The following XPNPEP2 variants were observed in gnomAD, a reference collection of about 807,000 sequenced individuals.
The protein encoded by XPNPEP2 is xaa-Pro aminopeptidase 2.
In XPNPEP2, 64 loss-of-function variants were observed where a neutral mutation model predicts 59.8. That is an observed-to-expected ratio of 1.07 (90% confidence interval 0.87 to 1.32). The LOEUF (loss-of-function observed/expected upper bound fraction) is 1.32. Ranked by LOEUF, XPNPEP2 falls within the 40% of genes most tolerant of loss-of-function variation. XPNPEP2 has a pLI of 0.00. For missense variants in XPNPEP2, 575 were observed against 546.8 expected, an observed-to-expected ratio of 1.05 and a Z score of -0.51; for synonymous variants, 235 against 210.0, an observed-to-expected ratio of 1.12 and a Z score of -1.03.
At chrX:129,759,156 C>T in intron 14 of XPNPEP2, 24 bp from the exon 15 acceptor site, 2 of 1,211,128 alleles carry the variant, frequency 1.7e-6, no homozygotes, top group Non-Finnish European at 2.2e-6. Context: ...AGGCATTTGG[C>T]ATGTTGGTTT....
In XPNPEP2 at chrX:129,764,265, A is replaced by G. The variant is rs191930604; in HGVS notation, c.1740+1495A>G. Among the ~76,000 whole-genome samples the G allele has an allele frequency of 1.2e-4, 13 of 109,001 alleles. No homozygotes were observed. In the East Asian group the frequency reaches 3.5e-3, roughly 29 times the overall value. 94.7% of individuals were successfully genotyped at this position (109,001 alleles called of 115,157 possible). A position where few individuals can be genotyped will look rare whatever the true frequency, so the allele number is the denominator to read the frequency against. On this transcript the variant is annotated intron_variant, in intron 19 of 20. Transcript: ENST00000371106. ...AATCCGTAAGACAAAAATAGACAAAACAGGAAAAAATAGGGCAAAGGACAT... is the reference window on the plus strand; with the variant it reads ...AATCCGTAAGACAAAAATAGACAAAGCAGGAAAAAATAGGGCAAAGGACAT...
intron 7 of XPNPEP2, 156 bp downstream of exon 7, chrX:129,747,909 A>C: frequency 2.6e-6 from 2 of 757,611 alleles, no homozygotes; most frequent in Non-Finnish European, 4.0e-6. Flanking sequence ...TTTAAAATGC[A>C]GATTTCAGGG....
Position 129,768,866 on chromosome X carries a change from A to C in XPNPEP2, c.*381A>C. On this transcript the variant is annotated 3_prime_UTR_variant, in exon 21 of 21. Transcript: ENST00000371106. ...ACCCCAAGAGAGCAATGCCCCTACC[A>C]CCCAAGGGTGCCATGGTCCCGGGAG... 1 of 124,325 alleles carries C rather than the reference A, an allele frequency of 8.0e-6. No individual in the cohort carries two copies. Among genetic ancestry groups the C allele is most frequent in the Admixed American group, 9.0e-5 (1 of 11,163 alleles). 10.2% of individuals were successfully genotyped at this position (124,325 alleles called of 1,213,427 possible). A position where few individuals can be genotyped will look rare whatever the true frequency, so the allele number is the denominator to read the frequency against.
At chrX:129,767,786 G>C (rs1181705453) in intron 20 of XPNPEP2, 94 bp downstream of exon 20, 2 of 957,639 alleles carry the variant, frequency 2.1e-6, no homozygotes, top group Non-Finnish European at 3.0e-6. Context: ...CCCTCCTCCA[G>C]GAGGGTCCAC....
chrX:129,754,523 G>T lies in XPNPEP2; in HGVS notation c.1159G>T (p.Val387Leu), dbSNP rs746492710. 1 of 1,195,989 alleles carries T rather than the reference G, an allele frequency of 8.4e-7. No individual in the cohort carries two copies. The highest frequency in any genetic ancestry group is 1.8e-5 in the South Asian group (1 of 54,257). The change falls in exon 12 of 21, where the codon GTG becomes TTG. Residue 387 changes from valine to leucine, a missense_variant. Physicochemically the swap from Val to Leu is conservative, Grantham distance 32 (BLOSUM62 1). Coordinates refer to ENST00000371106, the MANE Select transcript of XPNPEP2 (RefSeq NM_003399.6). ...GTACTTGGTCTGGCTGGAGAAGAAC[G>T]TGCCCAAAGGCACAGTGGATGAGTT... ...IRYLVWLEKN[V>L]PKGTVDEFSG...
At position 129,767,656 on chromosome X, in the gene XPNPEP2, G is replaced by A. The variant is rs746216987; in HGVS notation, c.1794G>A (p.Arg598=). The part of the protein sequence containing the change: ...FEVVSFVPYD[R]NLIDVSLLSP... The stretch of plus-strand genomic sequence containing the variant: ...TGGTATCATTTGTGCCCTATGACCG[G>A]AACCTCATCGATGTCAGCCTGCTGT... The change falls in exon 20 of 21, where the codon CGG becomes CGA. Residue 598 remains arginine (R), a synonymous_variant. Coordinates refer to ENST00000371106, the MANE Select transcript of XPNPEP2 (RefSeq NM_003399.6). The A allele has an allele frequency of 2.5e-6, 3 of 1,209,554 alleles. No individual in the cohort carries two copies. The African/African-American group carries it at 5.3e-5, about 21-fold the overall frequency.
intron 15 of XPNPEP2, 150 bp downstream of exon 15, chrX:129,759,390 T>C (rs1926614408): frequency 1.6e-6 from 1 of 634,794 alleles, no homozygotes. Context: ...GAAAACCCAG[T>C]GCTCCCTGCT....
At chrX:129,764,563 G>A (rs907912018) in intron 19 of XPNPEP2, among the ~76,000 whole-genome samples, 2 of 109,203 alleles carry the variant, frequency 1.8e-5, no homozygotes, top group African/African-American at 3.3e-5. Context: ...GCTGAGGCAG[G>A]AGAATCACTT....
intron 14 of XPNPEP2, among the ~76,000 whole-genome samples, chrX:129,757,893 GAGAAAGAAAGAAAGAA>G (rs558575574): frequency 0.12 from 6,085 of 51,674 alleles, 354 homozygotes; most frequent in South Asian, 0.15. Flanking sequence ...GAGAGAGAGA[GAGAAAGAAAGAAAGAA>G]AGAAAGAAAG....
In XPNPEP2 at chrX:129,742,235, A is replaced by G. The variant is rs866411688; in HGVS notation, c.123+54A>G. On this transcript the variant is annotated intron_variant, in intron 2 of 20. Coordinates refer to ENST00000371106, the MANE Select transcript of XPNPEP2 (RefSeq NM_003399.6). Reference sequence around the variant, plus strand: ...CCCCCCTGGCCCCACGCACCCCCCCACCCCTGCCCCACGCACCCCTGCACC... The same window carrying G: ...CCCCCCTGGCCCCACGCACCCCCCCGCCCCTGCCCCACGCACCCCTGCACC... 5.8e-5 allele frequency: 24 copies of G among 410,540 alleles called. No homozygotes were observed. In the African/African-American group the frequency reaches 1.4e-3, roughly 24 times the overall value. The allele number at this position is 410,540 out of a possible 1,213,427, so 33.8% of individuals were successfully genotyped here.
At position 129,755,448 on chromosome X, in the gene XPNPEP2, G is replaced by A. The variant is rs1218195460; in HGVS notation, c.1295+77G>A. ...TGTGTAGAGGAACAGGGTGAGGGGAGGGGGATGTTCTGGGACCTGAGTCCA... is the reference window on the plus strand; with the variant it reads ...TGTGTAGAGGAACAGGGTGAGGGGAAGGGGATGTTCTGGGACCTGAGTCCA... On this transcript the variant is annotated intron_variant, in intron 13 of 20. Coordinates refer to ENST00000371106, the MANE Select transcript of XPNPEP2 (RefSeq NM_003399.6). The A allele has an allele frequency of 3.9e-6, 4 of 1,029,090 alleles. No individual in the cohort carries two copies. The African/African-American group carries it at 7.5e-5, about 19-fold the overall frequency. 84.8% of individuals were successfully genotyped at this position (1,029,090 alleles called of 1,213,427 possible).
At position 129,764,385 on chromosome X, in the gene XPNPEP2, G is replaced by T. The variant is rs111593764; in HGVS notation, c.1740+1615G>T. Among the ~76,000 whole-genome samples, 976 of 110,925 alleles carry T rather than the reference G, an allele frequency of 8.8e-3. 10 individuals are homozygous for T. The highest frequency in any genetic ancestry group is 0.014 in the Non-Finnish European group (719 of 52,918). On this transcript the variant is annotated intron_variant, in intron 19 of 20. Coordinates refer to ENST00000371106, the MANE Select transcript of XPNPEP2 (RefSeq NM_003399.6). ...TTAAAGAAATACAAGACCGGGCGTGGTGGCTTATGCCTGTAATCCCAGCAC... is the reference window on the plus strand; with the variant it reads ...TTAAAGAAATACAAGACCGGGCGTGTTGGCTTATGCCTGTAATCCCAGCAC...
intron 14 of XPNPEP2, among the ~76,000 whole-genome samples, chrX:129,757,795 G>GGAAGAAAGAAA (rs1926555418): frequency 1.5e-5 from 1 of 67,250 alleles, no homozygotes; most frequent in Non-Finnish European, 2.8e-5. Context: ...GACTATAAAA[G>GGAAGAAAGAAA]GAAGAAAGAA....
Position 129,744,010 on chromosome X carries a change from G to A in XPNPEP2, c.173G>A (p.Arg58His), listed in dbSNP as rs546941832. The A allele has an allele frequency of 5.8e-5, 70 of 1,210,240 alleles. No individual in the cohort carries two copies. The highest frequency in any genetic ancestry group is 1.4e-4 in the African/African-American group (8 of 57,244). ...ACCACAATGTCACTCACAGCCCTCCGCCAGCAGATGCAGACCCAGAATCTC... is the reference window on the plus strand; with the variant it reads ...ACCACAATGTCACTCACAGCCCTCCACCAGCAGATGCAGACCCAGAATCTC... ...VNTTMSLTAL[R>H]QQMQTQNLSA... Residue 58 changes from arginine to histidine, a missense_variant, in exon 3 of 21, where the codon CGC becomes CAC. Physicochemically the swap from Arg to His is conservative, Grantham distance 29. Transcript: ENST00000371106.
Position 129,756,529 on chromosome X carries a change from C to T in XPNPEP2, c.1341C>T (p.Tyr447=), listed in dbSNP as rs1175281016. 2 of 1,211,517 alleles carry T rather than the reference C, an allele frequency of 1.7e-6. No individual in the cohort carries two copies. Among genetic ancestry groups the T allele is most frequent in the South Asian group, 1.8e-5 (1 of 56,948 alleles). Reference sequence around the variant, plus strand: ...GCAAGCTGTCCTCAGATGAGATGTACCTGCTGGACTCTGGGGGGCAGTACT... The same window carrying T: ...GCAAGCTGTCCTCAGATGAGATGTATCTGCTGGACTCTGGGGGGCAGTACT... ...LNRKLSSDEM[Y]LLDSGGQYWD... Residue 447 remains tyrosine (Y), a synonymous_variant, in exon 14 of 21, where the codon TAC becomes TAT. Transcript: ENST00000371106.
At chrX:129,757,848 A>AAAG in intron 14 of XPNPEP2, among the ~76,000 whole-genome samples, 1 of 86,462 alleles carries the variant, frequency 1.2e-5, no homozygotes, top group Non-Finnish European at 2.2e-5. Flanking sequence ...AGAAAGAAAG[A>AAAG]AAGAAAGAAA....
chrX:129,766,301 C>T (rs1298060346), intron 19 of XPNPEP2, among the ~76,000 whole-genome samples: 1 of 112,176 alleles, frequency 8.9e-6, no homozygotes, highest in African/African-American at 3.2e-5. Flanking sequence ...TTTTCCTCTA[C>T]ATCTTTTGTG....
intron 19 of XPNPEP2, among the ~76,000 whole-genome samples, chrX:129,765,363 G>T (rs1287119854): frequency 9.0e-6 from 1 of 111,728 alleles, no homozygotes. Flanking sequence ...GAGCTTTTGG[G>T]ACTATATCCA....
chrX:129,745,684 G>A (rs986877708), intron 4 of XPNPEP2, among the ~76,000 whole-genome samples: 1 of 111,833 alleles, frequency 8.9e-6, no homozygotes, highest in African/African-American at 3.3e-5. Context: ...ATGGCCAAAT[G>A]AGACACAAAC....
Sources: gnomAD v4.1 joint callset for allele counts (sites outside exome capture counted in the v4.1 genomes callset) on GRCh38, gnomAD v4.1.1 for gene constraint, MANE v1.5 for transcripts, NCBI Gene and HGNC (gene_info 2026-07-23, HGNC 2026-07-21) for gene names.